The following SEL1L3 variants were observed in gnomAD, a reference collection of about 807,000 sequenced individuals.
SEL1L3 encodes protein sel-1 homolog 3.
SEL1L3 carries 76 observed loss-of-function variants against 142.8 expected under a neutral mutation model. The ratio of observed to expected loss-of-function variants is 0.53; its 90% confidence interval spans 0.44 to 0.64. The LOEUF (loss-of-function observed/expected upper bound fraction) is 0.64, where lower values mean the gene tolerates loss of function less well. SEL1L3 is among the 30% of genes least tolerant of loss of function. The pLI is 0.00. For missense variants in SEL1L3, 1,262 were observed against 1,381.7 expected (o/e 0.91, Z 1.37); for synonymous variants, 504 against 519.6 (o/e 0.97, Z 0.41).
chr4:25,852,054 G>A (rs1441530946), intron 1 of SEL1L3, among the ~76,000 whole-genome samples: 1 of 152,028 alleles, frequency 6.6e-6, no homozygotes, highest in Non-Finnish European at 1.5e-5. Context: ...ACCCCCCCCA[G>A]GAGAGGTTTA....
At chr4:25,822,965 G>A (rs1008339146) in intron 6 of SEL1L3, among the ~76,000 whole-genome samples, 12 of 152,134 alleles carry the variant, frequency 7.9e-5, no homozygotes, top group Admixed American at 2.6e-4. Context: ...CCAAAATATA[G>A]TGTTAAGTAA....
chr4:25,765,506 C>T, intron 19 of SEL1L3, 71 bp from the exon 20 acceptor site: 1 of 983,686 alleles, frequency 1.0e-6, no homozygotes, highest in Non-Finnish European at 1.6e-6. Context: ...ATTATTGGCG[C>T]ATTCACATGA....
At chr4:25,825,376 T>C (rs1447646723) in intron 6 of SEL1L3, among the ~76,000 whole-genome samples, 3 of 152,200 alleles carry the variant, frequency 2.0e-5, no homozygotes, top group African/African-American at 7.2e-5. Context: ...AAAGCTGAGC[T>C]AGACTCTTCC....
intron 23 of SEL1L3, among the ~76,000 whole-genome samples, chr4:25,749,635 G>A (rs150297755): frequency 1.3e-5 from 2 of 152,248 alleles, no homozygotes; most frequent in Admixed American, 6.5e-5. Context: ...TAGAATCAAG[G>A]TAACCAGGAC....
intron 1 of SEL1L3, among the ~76,000 whole-genome samples, chr4:25,861,086 G>A (rs34691452): frequency 3.9e-5 from 6 of 152,058 alleles, no homozygotes; most frequent in Admixed American, 2.0e-4. Context: ...TTTTCGGCCC[G>A]GCCCATTTGT....
intron 2 of SEL1L3, among the ~76,000 whole-genome samples, chr4:25,842,583 A>G (rs1005246543): frequency 3.3e-5 from 5 of 152,164 alleles, no homozygotes; most frequent in African/African-American, 1.2e-4. Context: ...GAAGCTGTGG[A>G]GTGTGTGCAG....
At chr4:25,789,913 G>A (rs1712174980) in intron 12 of SEL1L3, among the ~76,000 whole-genome samples, 2 of 152,196 alleles carry the variant, frequency 1.3e-5, no homozygotes, top group Non-Finnish European at 1.5e-5. Flanking sequence ...AAAGACAAGA[G>A]ATGTTCAAGA....
At chr4:25,783,939 G>GTA (rs1165560362) in intron 14 of SEL1L3, among the ~76,000 whole-genome samples, 1 of 152,048 alleles carries the variant, frequency 6.6e-6, no homozygotes, top group Non-Finnish European at 1.5e-5. Flanking sequence ...GGCAGCTCCT[G>GTA]ATTATAATTT....
intron 16 of SEL1L3, among the ~76,000 whole-genome samples, chr4:25,778,070 C>A (rs985377736): frequency 3.3e-5 from 5 of 152,146 alleles, no homozygotes; most frequent in African/African-American, 1.2e-4. Context: ...TTTGACAACT[C>A]CTGTAAAACA....
intron 1 of SEL1L3, among the ~76,000 whole-genome samples, chr4:25,861,006 G>C (rs762245603): frequency 1.3e-5 from 2 of 152,168 alleles, no homozygotes; most frequent in Non-Finnish European, 2.9e-5. Flanking sequence ...TTGCTCTCCT[G>C]ACTCTGACTT....
chr4:25,797,024 C>T (rs1560308789), intron 11 of SEL1L3, among the ~76,000 whole-genome samples: 1 of 146,444 alleles, frequency 6.8e-6, no homozygotes, highest in African/African-American at 2.5e-5. Context: ...GAGGAAAAGA[C>T]AGGGGGAATA....
At chr4:25,723,945 AC>A in the SEL1L3 span, among the ~76,000 whole-genome samples, 21 of 152,332 alleles carry the variant, frequency 1.4e-4, no homozygotes, top group African/African-American at 5.0e-4. Flanking sequence ...TATTTAGTGT[AC>A]TAAGCAAGGT....
chr4:25,863,463 C>A (rs1057458553), upstream of SEL1L3: 9 of 702,754 alleles, frequency 1.3e-5, no homozygotes, highest in Admixed American at 8.0e-5. Flanking sequence ...GACCAGTTCC[C>A]GCCCGTGCAA....
chr4:25,725,090 C>T, the SEL1L3 span, among the ~76,000 whole-genome samples: 1 of 152,078 alleles, frequency 6.6e-6, no homozygotes, highest in Non-Finnish European at 1.5e-5. Flanking sequence ...ATTTCCGGTG[C>T]ATAGATGGGG....
In SEL1L3 at chr4:25,843,519, C is replaced by T. The variant is rs572131324; in HGVS notation, c.733+3775G>A. ...GGGCCCAAGTCACTGGCCTGCATGG[C>T]TGATTCCTTTCTTTCTGTGACTCCA... On this transcript the variant is annotated intron_variant, in intron 2 of 23. Coordinates refer to ENST00000399878, the MANE Select transcript of SEL1L3 (RefSeq NM_015187.5). 3.9e-5 allele frequency among the ~76,000 whole-genome samples: 6 copies of T among 152,336 alleles called. No individual in the cohort carries two copies. In the East Asian group the frequency reaches 1.2e-3, roughly 29 times the overall value.
intron 2 of SEL1L3, 98 bp from the exon 3 acceptor site, chr4:25,835,421 A>G: frequency 7.5e-7 from 1 of 1,331,860 alleles, no homozygotes; most frequent in Non-Finnish European, 1.0e-6. Context: ...CTCCAATCAA[A>G]CATTTAAGTG....
chr4:25,766,654 T>C (rs1718760138), intron 19 of SEL1L3, among the ~76,000 whole-genome samples: 1 of 152,050 alleles, frequency 6.6e-6, no homozygotes, highest in Non-Finnish European at 1.5e-5. Flanking sequence ...AGAGGGTGCC[T>C]GTGATGTTAC....
the SEL1L3 span, among the ~76,000 whole-genome samples, chr4:25,736,369 G>A: frequency 6.6e-6 from 1 of 151,726 alleles, no homozygotes; most frequent in Admixed American, 6.6e-5. Context: ...GATTACAGCG[G>A]CTCACCACCA....
At chr4:25,845,083 G>A (rs988033668) in intron 2 of SEL1L3, among the ~76,000 whole-genome samples, 7 of 152,200 alleles carry the variant, frequency 4.6e-5, no homozygotes, top group African/African-American at 1.7e-4. Context: ...TCTGAGTAAG[G>A]TCTGGAGTCC....
Sources: allele counts gnomAD v4.1 joint callset (sites outside exome capture counted in the v4.1 genomes callset), GRCh38; gene constraint gnomAD v4.1.1; transcripts MANE v1.5; gene names NCBI Gene and HGNC (gene_info 2026-07-23, HGNC 2026-07-21).